FAF1: variants seen among roughly 807,000 people sequenced by gnomAD.
The protein encoded by FAF1 is FAS-associated factor 1.
Under a neutral mutation model 92.5 loss-of-function variants are expected in FAF1, and 25 were observed. The observed-to-expected ratio is 0.27, with a 90% CI of 0.20 to 0.38. The LOEUF is 0.38. Ranked by LOEUF, FAF1 falls within the 10% of genes least tolerant of loss-of-function variation. The pLI is 1.00. For missense variants in FAF1, 636 were observed against 793.3 expected (o/e 0.80, Z 2.38); for synonymous variants, 234 against 273.2 (o/e 0.86, Z 1.42).
chr1:50,589,651 G>T (rs1651408818), intron 9 of FAF1, among the ~76,000 whole-genome samples: 1 of 152,086 alleles, frequency 6.6e-6, no homozygotes, highest in African/African-American at 2.4e-5. Flanking sequence ...CATTGCTAGT[G>T]TTTTTTGATG....
chr1:50,941,959 T>C (rs1557598109), intron 1 of FAF1, among the ~76,000 whole-genome samples: 1 of 152,230 alleles, frequency 6.6e-6, no homozygotes, highest in Non-Finnish European at 1.5e-5. Context: ...GAGTACTGCC[T>C]AGCATACCCA....
intron 18 of FAF1, among the ~76,000 whole-genome samples, chr1:50,444,802 A>G (rs1430718415): frequency 1.3e-5 from 2 of 152,162 alleles, no homozygotes; most frequent in Non-Finnish European, 2.9e-5. Context: ...ACCACAGGTT[A>G]TCTTGCCCAA....
At chr1:50,582,474 A>G (rs1450555397) in intron 12 of FAF1, 144 bp downstream of exon 12, 4 of 614,612 alleles carry the variant, frequency 6.5e-6, no homozygotes, top group Non-Finnish European at 1.2e-5. Flanking sequence ...CCCATGCACA[A>G]TGATGACATA....
intron 1 of FAF1, 52 bp downstream of exon 1, chr1:50,959,715 C>A: frequency 1.3e-6 from 2 of 1,533,378 alleles, no homozygotes; most frequent in Non-Finnish European, 1.8e-6. Context: ...CCTTGTGGCA[C>A]CGGAAACCCA....
In FAF1 at chr1:50,441,299, T is replaced by A; in HGVS notation, c.*141A>T. 1 of 536,256 alleles carries A rather than the reference T, an allele frequency of 1.9e-6. No homozygotes were observed. Among genetic ancestry groups the A allele is most frequent in the Non-Finnish European group, 3.4e-6 (1 of 296,090 alleles). The allele number at this position is 536,256 out of a possible 1,614,324, so 33.2% of individuals were successfully genotyped here. On this transcript the variant is annotated 3_prime_UTR_variant, in exon 19 of 19. Coordinates refer to ENST00000396153, the MANE Select transcript of FAF1 (RefSeq NM_007051.3). ...TTAAGTAGCTATATTTATTATTACT[T>A]TTTCCAGCAATTTTGCAAGAGGCAG...
At chr1:50,837,788 G>T (rs1644221975) in intron 2 of FAF1, among the ~76,000 whole-genome samples, 1 of 150,796 alleles carries the variant, frequency 6.6e-6, no homozygotes, top group South Asian at 2.1e-4. Context: ...CTGTCACCCA[G>T]GCTGGAGTGC....
intron 17 of FAF1, among the ~76,000 whole-genome samples, chr1:50,488,304 G>A (rs1366628682): frequency 6.6e-6 from 1 of 152,096 alleles, no homozygotes; most frequent in African/African-American, 2.4e-5. Flanking sequence ...TAAGATGATG[G>A]GCTTTTATCT....
At chr1:50,547,855 C>T (rs1374031759) in intron 13 of FAF1, among the ~76,000 whole-genome samples, 1 of 152,124 alleles carries the variant, frequency 6.6e-6, no homozygotes, top group Non-Finnish European at 1.5e-5. Context: ...TTTTGAGGAA[C>T]AATAATCATA....
At chr1:50,555,905 T>C (rs1435893759) in intron 13 of FAF1, among the ~76,000 whole-genome samples, 1 of 151,716 alleles carries the variant, frequency 6.6e-6, no homozygotes, top group East Asian at 1.9e-4. Context: ...GTGGTACGTA[T>C]ACATATATAT....
At chr1:50,660,965 C>A (rs560533576) in intron 7 of FAF1, among the ~76,000 whole-genome samples, 1 of 151,654 alleles carries the variant, frequency 6.6e-6, no homozygotes, top group Non-Finnish European at 1.5e-5. Flanking sequence ...ATCCTAGGTA[C>A]AGGAAAAGAG....
chr1:50,681,885 G>A (rs1330532005), intron 7 of FAF1, among the ~76,000 whole-genome samples: 1 of 151,652 alleles, frequency 6.6e-6, no homozygotes, highest in Non-Finnish European at 1.5e-5. Context: ...CCAGGATGGA[G>A]TGCAGTAGTG....
intron 5 of FAF1, among the ~76,000 whole-genome samples, chr1:50,741,500 G>A (rs1334194508): frequency 6.6e-6 from 1 of 152,196 alleles, no homozygotes; most frequent in Middle Eastern, 3.2e-3. Flanking sequence ...TTCAATTTAT[G>A]TTTTTAAAAG....
intron 12 of FAF1, among the ~76,000 whole-genome samples, chr1:50,571,751 G>C (rs1216118173): frequency 6.6e-6 from 1 of 152,148 alleles, no homozygotes; most frequent in Non-Finnish European, 1.5e-5. Flanking sequence ...TTGGCCTTGA[G>C]CTACAGTAGC....
In FAF1 at chr1:50,561,840, C is replaced by T. The variant is rs1026196072; in HGVS notation, c.1268+5237G>A. 1.1e-3 allele frequency among the ~76,000 whole-genome samples: 137 copies of T among 125,032 alleles called. 1 individual carries two copies. The highest frequency in any genetic ancestry group is 3.2e-3 in the African/African-American group (107 of 33,198). The allele number at this position is 125,032 out of a possible 152,430, so 82.0% of individuals were successfully genotyped here. A position where few individuals can be genotyped will look rare whatever the true frequency, so the allele number is the denominator to read the frequency against. ...ACGCCATCTAGGACAGACGGATGGA[C>T]GGATGGACGGAAGGAAGGAAGGAAG... On this transcript the variant is annotated intron_variant, in intron 13 of 18. Coordinates refer to ENST00000396153, the MANE Select transcript of FAF1 (RefSeq NM_007051.3).
intron 1 of FAF1, among the ~76,000 whole-genome samples, chr1:50,907,953 ATTGTGATG>A (rs1324934544): frequency 6.6e-6 from 1 of 151,744 alleles, no homozygotes; most frequent in Admixed American, 6.6e-5. Context: ...AGTTCTTTTA[ATTGTGATG>A]TTAGGGTGTC....
chr1:50,950,867 T>C (rs1645208828), intron 1 of FAF1, among the ~76,000 whole-genome samples: 2 of 152,240 alleles, frequency 1.3e-5, no homozygotes, highest in South Asian at 2.1e-4. Context: ...AGAGCAGTTT[T>C]TGTTTTCTTC....
intron 15 of FAF1, among the ~76,000 whole-genome samples, chr1:50,533,998 G>T (rs1648326758): frequency 1.3e-5 from 2 of 152,248 alleles, no homozygotes; most frequent in East Asian, 1.9e-4. Context: ...ATCTGTGCTA[G>T]ATTATCTGCC....
chr1:50,448,203 CT>C (rs1224214669), intron 18 of FAF1, among the ~76,000 whole-genome samples: 1 of 152,088 alleles, frequency 6.6e-6, no homozygotes, highest in Non-Finnish European at 1.5e-5. Flanking sequence ...GATTCAGTGC[CT>C]TCTTTATGTG....
chr1:50,852,822 A>G (rs900566833), intron 2 of FAF1, among the ~76,000 whole-genome samples: 1 of 152,194 alleles, frequency 6.6e-6, no homozygotes, highest in Admixed American at 6.5e-5. Context: ...GTATCACTGG[A>G]TATGATGCCT....
Sources: gnomAD v4.1 joint callset for allele counts (sites outside exome capture counted in the v4.1 genomes callset) on GRCh38, gnomAD v4.1.1 for gene constraint, MANE v1.5 for transcripts, NCBI Gene and HGNC (gene_info 2026-07-23, HGNC 2026-07-21) for gene names.